The following PSCA variants were observed in gnomAD, a reference collection of about 807,000 sequenced individuals.
PSCA encodes the protein prostate stem cell antigen.
In PSCA, 7 loss-of-function variants were observed where a neutral mutation model predicts 7.9. That is an observed-to-expected ratio of 0.89 (90% CI 0.51 to 1.67). The LOEUF (loss-of-function observed/expected upper bound fraction) is 1.67, where lower values mean the gene tolerates loss of function less well. PSCA is among the 40% of genes most tolerant of loss of function. The pLI, the probability that PSCA is intolerant of heterozygous loss-of-function variation, is 0.00. For synonymous variants in PSCA, 61 were observed against 68.3 expected (o/e 0.89, Z 0.53); for missense variants, 151 against 147.9 (o/e 1.02, Z -0.11).
At chr8:142,679,158 C>A (rs1457384559), upstream of PSCA, among the ~76,000 whole-genome samples, 1 of 152,232 alleles carries the variant, frequency 6.6e-6, no homozygotes, top group African/African-American at 2.4e-5. Context: ...CCTCCCAGGA[C>A]ATGGAGCAGG....
In PSCA at chr8:142,682,268, C is replaced by A; in HGVS notation, c.*136C>A. 9.0e-7 allele frequency: 1 copy of A among 1,113,948 alleles called. No homozygotes were observed. Among genetic ancestry groups the A allele is most frequent in the East Asian group, 2.6e-5 (1 of 39,028 alleles). 69.0% of individuals were successfully genotyped at this position (1,113,948 alleles called of 1,614,324 possible). On this transcript the variant is annotated 3_prime_UTR_variant, in exon 3 of 3. Transcript: ENST00000301258. ...CTAACGCAAGTCTGACCATGTATGT[C>A]TGCGCCCCTGTCCCCCACCCTGACC...
chr8:142,680,677 A>AG (rs71514091), intron 1 of PSCA, 114 bp downstream of exon 1: 1 of 1,388,454 alleles, frequency 7.2e-7, no homozygotes, highest in African/African-American at 1.4e-5. Flanking sequence ...AGGGAGAGGA[A>AG]GGGGGTGAGG....
chr8:142,677,946 G>A (rs2976387), upstream of PSCA, among the ~76,000 whole-genome samples: 56,508 of 151,994 alleles, frequency 0.37, 11,513 homozygotes, highest in Admixed American at 0.48. Flanking sequence ...GAGCCCCGGG[G>A]GAAGCCCAAA....
Position 142,682,263 on chromosome 8 carries a change from T to A in PSCA, c.*131T>A. ...ACATCCTAACGCAAGTCTGACCATG[T>A]ATGTCTGCGCCCCTGTCCCCCACCC... On this transcript the variant is annotated 3_prime_UTR_variant, in exon 3 of 3. Transcript: ENST00000301258. The A allele has an allele frequency of 8.7e-7, 1 of 1,154,044 alleles. No individual in the cohort carries two copies. Among genetic ancestry groups the A allele is most frequent in the Non-Finnish European group, 1.3e-6 (1 of 798,156 alleles). The allele number at this position is 1,154,044 out of a possible 1,614,324, so 71.5% of individuals were successfully genotyped here.
chr8:142,675,448 G>A (rs1847388076), intron 1 of PSCA, among the ~76,000 whole-genome samples: 1 of 152,190 alleles, frequency 6.6e-6, no homozygotes, highest in African/African-American at 2.4e-5. Flanking sequence ...AGGGCCTGTG[G>A]GCCCCAGCTG....
At chr8:142,678,010 T>A (rs1847418143), upstream of PSCA, among the ~76,000 whole-genome samples, 1 of 152,072 alleles carries the variant, frequency 6.6e-6, no homozygotes, top group Non-Finnish European at 1.5e-5. Context: ...GCATCGTCCC[T>A]GCCCCCATCA....
At chr8:142,677,506 C>T (rs1554637920), upstream of PSCA, among the ~76,000 whole-genome samples, 1 of 152,228 alleles carries the variant, frequency 6.6e-6, no homozygotes, top group African/African-American at 2.4e-5. Context: ...AACACTTACA[C>T]ACCTATAAAT....
chr8:142,674,246 C>A (rs1554637628), intron 1 of PSCA, among the ~76,000 whole-genome samples: 1 of 147,942 alleles, frequency 6.8e-6, no homozygotes, highest in South Asian at 2.2e-4. Flanking sequence ...TTCAGTCTAA[C>A]CTCAGCAGAG....
At chr8:142,675,229 G>A (rs1554637724) in intron 1 of PSCA, among the ~76,000 whole-genome samples, 1 of 152,198 alleles carries the variant, frequency 6.6e-6, no homozygotes, top group Admixed American at 6.5e-5. Context: ...AGGAGCAGAG[G>A]GTGCAGAGTG....
In PSCA at chr8:142,680,532, C is replaced by T. The variant is rs1394762071; in HGVS notation, c.-7C>T. 5 of 1,554,134 alleles carry T rather than the reference C, an allele frequency of 3.2e-6. No homozygotes were observed. In the East Asian group the frequency reaches 9.7e-5, roughly 30 times the overall value. On this transcript the variant is annotated 5_prime_UTR_variant, in exon 1 of 3. Transcript: ENST00000301258. ...TGACCACGAAGGCTGTGCTGCTTGC[C>T]CTGTTGATGGCAGGCTTGGCCCTGC...
chr8:142,676,049 G>A (rs1847397493), upstream of PSCA: 1 of 152,266 alleles, frequency 6.6e-6, no homozygotes, highest in Non-Finnish European at 1.5e-5. Context: ...GCTCCCAGAA[G>A]CCCCAGGGCC....
At chr8:142,675,343 C>G (rs1193781914) in intron 1 of PSCA, among the ~76,000 whole-genome samples, 2 of 152,080 alleles carry the variant, frequency 1.3e-5, no homozygotes, top group Admixed American at 1.3e-4. Context: ...AGGAGGGGAG[C>G]TGGTTTGGGG....
upstream of PSCA, chr8:142,676,378 C>A: frequency 6.6e-6 from 1 of 152,460 alleles, no homozygotes. Context: ...GGACTAGAAC[C>A]CAGGGCCGCT....
At chr8:142,680,265 T>A (rs1209690908), upstream of PSCA, 1 of 523,140 alleles carries the variant, frequency 1.9e-6, no homozygotes. Context: ...TTGAGGACGT[T>A]TCAGCCCTCA....
rs587625726 is a variant in PSCA at position 142,681,311 on chromosome 8, C to T, written c.26-16C>T. On this transcript the variant is annotated splice_polypyrimidine_tract_variant and intron_variant, in intron 1 of 2. Coordinates refer to ENST00000301258, the MANE Select transcript of PSCA (RefSeq NM_005672.5). ...TATGGGGCAGCCTCTGAGGCCCCTC[C>T]CACTCCACCCCACAGGCACTGCCCT... 1.3e-6 allele frequency: 2 copies of T among 1,545,372 alleles called. No homozygotes were observed. The highest frequency in any genetic ancestry group is 2.4e-5 in the South Asian group (2 of 83,944).
intron 1 of PSCA, among the ~76,000 whole-genome samples, chr8:142,672,339 A>G (rs1425880695): frequency 6.6e-6 from 1 of 151,926 alleles, no homozygotes; most frequent in Non-Finnish European, 1.5e-5. Flanking sequence ...TTACCCCCAT[A>G]CAGCTATCAA....
In PSCA at chr8:142,681,399, C is replaced by A; in HGVS notation, c.98C>A (p.Thr33Asn). ...GACTGCCTGCAGGTGGAGAACTGCA[C>A]CCAGCTGGGGGAGCAGTGCTGGACC... The part of the protein sequence containing the change: ...NEDCLQVENC[T>N]QLGEQCWTAR... The change falls in exon 2 of 3, where the codon ACC becomes AAC. Residue 33 changes from threonine to asparagine, a missense_variant. Physicochemically the swap from Thr to Asn is moderately conservative, Grantham distance 65. Transcript: ENST00000301258. The A allele has an allele frequency of 6.3e-7, 1 of 1,594,016 alleles. No individual in the cohort carries two copies. Among genetic ancestry groups the A allele is most frequent in the Admixed American group, 1.7e-5 (1 of 57,520 alleles).
intron 1 of PSCA, 84 bp downstream of exon 1, chr8:142,680,647 A>T (rs1847451586): frequency 6.7e-7 from 1 of 1,493,936 alleles, no homozygotes; most frequent in Admixed American, 2.0e-5. Context: ...GCACACGGAG[A>T]GGAGGGGAAG....
At chr8:142,679,090 G>A (rs1337330335), upstream of PSCA, among the ~76,000 whole-genome samples, 1 of 152,250 alleles carries the variant, frequency 6.6e-6, no homozygotes, top group East Asian at 1.9e-4. Context: ...TGGCAGGAGA[G>A]CTGGCCTGAA....
Sources: allele counts gnomAD v4.1 joint callset (sites outside exome capture counted in the v4.1 genomes callset), GRCh38; gene constraint gnomAD v4.1.1; transcripts MANE v1.5; gene names NCBI Gene and HGNC (gene_info 2026-07-23, HGNC 2026-07-21).